The following C12orf42 variants were observed in gnomAD, a reference collection of about 807,000 sequenced individuals.
C12orf42 encodes the protein chromosome 12 open reading frame 42, also known as uncharacterized protein C12orf42.
A neutral mutation model predicts 21.6 loss-of-function variants in C12orf42; 25 were observed. The ratio of observed to expected loss-of-function variants is 1.16; its 90% CI spans 0.84 to 1.62. The LOEUF (loss-of-function observed/expected upper bound fraction) is 1.62. Ranked by LOEUF, C12orf42 falls within the 40% of genes most tolerant of loss-of-function variation. The pLI is 0.00. For missense variants in C12orf42, 483 were observed against 459.3 expected (o/e 1.05, Z -0.47); for synonymous variants, 174 against 175.0 (o/e 0.99, Z 0.05).
chr12:103,108,770 G>T, the C12orf42 span, among the ~76,000 whole-genome samples: 2 of 152,190 alleles, frequency 1.3e-5, no homozygotes, highest in East Asian at 3.9e-4. Flanking sequence ...ATGTGAATTA[G>T]CCAAGGACCA....
the C12orf42 span, among the ~76,000 whole-genome samples, chr12:103,108,437 A>G: frequency 6.6e-6 from 1 of 151,996 alleles, no homozygotes; most frequent in Non-Finnish European, 1.5e-5. Context: ...AATTGAACCC[A>G]TCTCCTATGT....
the C12orf42 span, among the ~76,000 whole-genome samples, chr12:103,506,916 TTTA>T: frequency 2.7e-5 from 1 of 37,370 alleles, no homozygotes; most frequent in African/African-American, 1.5e-4. Flanking sequence ...TATATATATA[TTTA>T]TATATTATAT....
At chr12:103,538,670 G>A in the C12orf42 span, among the ~76,000 whole-genome samples, 1 of 152,232 alleles carries the variant, frequency 6.6e-6, no homozygotes, top group Non-Finnish European at 1.5e-5. Context: ...GCACTTTTCT[G>A]TGATTTCTGG....
At chr12:103,068,915 A>G in the C12orf42 span, among the ~76,000 whole-genome samples, 1 of 126,406 alleles carries the variant, frequency 7.9e-6, no homozygotes, top group African/African-American at 2.9e-5. Context: ...AGATATAGAT[A>G]TATATATCTC....
chr12:103,312,940 G>A (rs970842067), intron 4 of C12orf42, among the ~76,000 whole-genome samples: 1 of 152,136 alleles, frequency 6.6e-6, no homozygotes, highest in African/African-American at 2.4e-5. Flanking sequence ...GTTAACTCCT[G>A]TACTTTCAGC....
At chr12:103,149,113 G>T in the C12orf42 span, among the ~76,000 whole-genome samples, 23 of 152,162 alleles carry the variant, frequency 1.5e-4, no homozygotes, top group Admixed American at 5.9e-4. Flanking sequence ...AATCTATTTT[G>T]GGGTCCAATG....
the C12orf42 span, among the ~76,000 whole-genome samples, chr12:103,129,950 T>C: frequency 1.3e-5 from 2 of 151,770 alleles, no homozygotes; most frequent in East Asian, 1.9e-4. Flanking sequence ...CTAGAACCCA[T>C]GCAAATTTCC....
chr12:103,466,152 C>G (rs1178096189), intron 2 of C12orf42, among the ~76,000 whole-genome samples: 1 of 152,068 alleles, frequency 6.6e-6, no homozygotes, highest in Non-Finnish European at 1.5e-5. Context: ...TTCAGTTGTT[C>G]GGAATAGTTT....
intron 3 of C12orf42, chr12:103,378,680 T>C (rs140944617): frequency 2.8e-4 from 43 of 152,280 alleles, no homozygotes; most frequent in African/African-American, 1.0e-3. Context: ...TAACATATGC[T>C]CTAGATTATG....
At chr12:103,343,392 T>C (rs1270665936) in intron 4 of C12orf42, among the ~76,000 whole-genome samples, 1 of 152,150 alleles carries the variant, frequency 6.6e-6, no homozygotes, top group Admixed American at 6.5e-5. Context: ...AAGTTTTTCA[T>C]TTCAAAAAGA....
At chr12:103,439,698 C>G (rs1187127063) in intron 2 of C12orf42, among the ~76,000 whole-genome samples, 2 of 151,766 alleles carry the variant, frequency 1.3e-5, no homozygotes, top group African/African-American at 4.8e-5. Context: ...CAAATCAAAA[C>G]CAGAATGAGA....
the C12orf42 span, among the ~76,000 whole-genome samples, chr12:103,542,987 C>T: frequency 1.4e-4 from 22 of 152,278 alleles, no homozygotes; most frequent in African/African-American, 4.6e-4. Flanking sequence ...GGTGATGTCA[C>T]CAAGGAATGT....
At chr12:103,173,112 G>A in the C12orf42 span, among the ~76,000 whole-genome samples, 1 of 152,080 alleles carries the variant, frequency 6.6e-6, no homozygotes, top group African/African-American at 2.4e-5. Flanking sequence ...AGGTACCAAA[G>A]AGTTCAGTGA....
chr12:103,059,294 G>A, the C12orf42 span, among the ~76,000 whole-genome samples: 5 of 152,094 alleles, frequency 3.3e-5, no homozygotes, highest in Non-Finnish European at 7.4e-5. Flanking sequence ...TCGAATCCCT[G>A]AATAGACCAA....
chr12:103,176,866 G>A, the C12orf42 span, among the ~76,000 whole-genome samples: 1 of 152,146 alleles, frequency 6.6e-6, no homozygotes, highest in Non-Finnish European at 1.5e-5. Context: ...GTCCCCGTGA[G>A]TAGTTATTAT....
At chr12:103,495,518 A>G (rs1405142915) in intron 1 of C12orf42, among the ~76,000 whole-genome samples, 1 of 150,426 alleles carries the variant, frequency 6.6e-6, no homozygotes, top group Admixed American at 6.6e-5. Context: ...CGCGGGGCGC[A>G]TTGTGGGCCG....
chr12:103,361,256 T>C (rs1468343413), intron 4 of C12orf42, among the ~76,000 whole-genome samples: 1 of 152,088 alleles, frequency 6.6e-6, no homozygotes, highest in Non-Finnish European at 1.5e-5. Flanking sequence ...ACACACACCC[T>C]CACTGAGGAA....
At chr12:103,549,482 G>A in the C12orf42 span, 1 of 152,166 alleles carries the variant, frequency 6.6e-6, no homozygotes, top group African/African-American at 2.4e-5. Context: ...TCGTTTTCAT[G>A]TCTCTGTCAT....
chr12:103,366,314 C>G (rs2044596630), intron 4 of C12orf42, among the ~76,000 whole-genome samples: 1 of 152,010 alleles, frequency 6.6e-6, no homozygotes, highest in Admixed American at 6.6e-5. Context: ...AAATTCTACC[C>G]AAGATGGATC....
Sources: allele counts gnomAD v4.1 joint callset (sites outside exome capture counted in the v4.1 genomes callset), GRCh38; gene constraint gnomAD v4.1.1; transcripts MANE v1.5; gene names NCBI Gene and HGNC (gene_info 2026-07-23, HGNC 2026-07-21).